Variants in CASK observed in about 807,000 individuals in gnomAD.
CASK encodes peripheral plasma membrane protein CASK.
Under a neutral mutation model 82.9 loss-of-function variants are expected in CASK, and 4 were observed. That is an observed-to-expected ratio of 0.05 (90% CI 0.02 to 0.11). CASK has a LOEUF of 0.11. Ranked by LOEUF, CASK falls within the 10% of genes least tolerant of loss-of-function variation. CASK has a pLI of 1.00. For synonymous variants in CASK, 259 were observed against 253.5 expected (o/e 1.02, Z -0.20); for missense variants, 358 against 720.9 (o/e 0.50, Z 5.76).
At chrX:41,903,965 C>T (rs2072427227) in intron 1 of CASK, among the ~76,000 whole-genome samples, 4 of 111,835 alleles carry the variant, frequency 3.6e-5, no homozygotes, top group Admixed American at 1.9e-4. Flanking sequence ...GTGCCTTGAT[C>T]ACTAAGAACT....
rs201990512 is a variant in CASK at position 41,611,829 on chromosome X, C to T, written c.1034-1804G>A. Among the ~76,000 whole-genome samples the T allele has an allele frequency of 5.4e-5, 6 of 110,670 alleles. No homozygotes were observed. The East Asian group carries it at 1.7e-3, about 32-fold the overall frequency. ...TTCTCCTGCCTTAGCCTGCCGAGTG[C>T]CTGCGATTGCAGGCGCGCGCCGCCA... On this transcript the variant is annotated intron_variant, in intron 11 of 26. Transcript: ENST00000378163.
chrX:41,805,145 A>C (rs913947241), intron 2 of CASK, among the ~76,000 whole-genome samples: 1 of 112,094 alleles, frequency 8.9e-6, no homozygotes, highest in African/African-American at 3.2e-5. Flanking sequence ...TCCCTTTTAA[A>C]ATTCTCAGTT....
chrX:41,643,073 T>C (rs1433793530), intron 8 of CASK, among the ~76,000 whole-genome samples: 1 of 111,883 alleles, frequency 8.9e-6, no homozygotes, highest in Non-Finnish European at 1.9e-5. Context: ...TGTGGTATTA[T>C]TTCTGAGGGC....
At chrX:41,703,705 C>T (rs1288282234) in intron 5 of CASK, among the ~76,000 whole-genome samples, 2 of 112,383 alleles carry the variant, frequency 1.8e-5, no homozygotes, top group East Asian at 5.6e-4. Flanking sequence ...ATGGCTAACA[C>T]CTAAAAGCAG....
chrX:41,573,367 A>G (rs2065442492), intron 15 of CASK, among the ~76,000 whole-genome samples: 1 of 109,644 alleles, frequency 9.1e-6, no homozygotes, highest in Non-Finnish European at 1.9e-5. Context: ...TATAGTTTTC[A>G]TCAAGTTTGG....
chrX:41,668,314 G>C (rs1461776727), intron 6 of CASK, among the ~76,000 whole-genome samples: 1 of 111,733 alleles, frequency 8.9e-6, no homozygotes, highest in Non-Finnish European at 1.9e-5. Flanking sequence ...CAGCCTTCCA[G>C]AACAGTAGGA....
At chrX:41,842,429 C>T (rs898803535) in intron 2 of CASK, among the ~76,000 whole-genome samples, 1 of 109,572 alleles carries the variant, frequency 9.1e-6, no homozygotes, top group African/African-American at 3.3e-5. Context: ...AAAAAATAGC[C>T]AGGTGTGGTG....
At chrX:41,649,381 T>C (rs2066823112) in intron 8 of CASK, among the ~76,000 whole-genome samples, 2 of 112,159 alleles carry the variant, frequency 1.8e-5, no homozygotes. Flanking sequence ...TGCTTTCTCT[T>C]GTGGGCATTT....
chrX:41,896,623 A>G (rs945602099), intron 1 of CASK, among the ~76,000 whole-genome samples: 5 of 111,863 alleles, frequency 4.5e-5, no homozygotes, highest in African/African-American at 1.6e-4. Context: ...TTCTCAGTTC[A>G]TTGCTAGTGC....
intron 3 of CASK, among the ~76,000 whole-genome samples, chrX:41,775,064 C>G: frequency 9.2e-6 from 1 of 108,714 alleles, no homozygotes; most frequent in Non-Finnish European, 1.9e-5. Context: ...AGCTTCTGCA[C>G]AGCAAAAGAA....
chrX:41,718,719 C>T (rs1219694632), intron 5 of CASK, among the ~76,000 whole-genome samples: 1 of 111,806 alleles, frequency 8.9e-6, no homozygotes, highest in Non-Finnish European at 1.9e-5. Context: ...CTTGGACTCT[C>T]AATGCAATAG....
chrX:41,796,400 A>AT (rs2069854268), intron 2 of CASK, among the ~76,000 whole-genome samples: 1 of 112,492 alleles, frequency 8.9e-6, no homozygotes, highest in Non-Finnish European at 1.9e-5. Context: ...TGTTTAACAA[A>AT]TGTCAATCAA....
chrX:41,610,624 T>C (rs1267128873), intron 11 of CASK, among the ~76,000 whole-genome samples: 1 of 111,907 alleles, frequency 8.9e-6, no homozygotes, highest in African/African-American at 3.2e-5. Flanking sequence ...ACTCTTACCC[T>C]TCTTACTCAG....
intron 5 of CASK, among the ~76,000 whole-genome samples, chrX:41,700,198 A>G (rs2067766046): frequency 8.9e-6 from 1 of 112,019 alleles, no homozygotes; most frequent in South Asian, 3.7e-4. Context: ...AGATTAGGTC[A>G]GTAGAAAAAG....
At chrX:41,772,809 G>A (rs2069270869) in intron 3 of CASK, among the ~76,000 whole-genome samples, 1 of 110,908 alleles carries the variant, frequency 9.0e-6, no homozygotes, top group African/African-American at 3.3e-5. Flanking sequence ...AGACCAGCCT[G>A]GTTAACATGG....
chrX:41,763,916 T>C (rs2069056768), intron 3 of CASK, among the ~76,000 whole-genome samples: 1 of 112,102 alleles, frequency 8.9e-6, no homozygotes, highest in Non-Finnish European at 1.9e-5. Context: ...AATTACTAAA[T>C]AAAGTTGGTG....
At chrX:41,674,387 G>T in intron 5 of CASK, among the ~76,000 whole-genome samples, 1 of 111,454 alleles carries the variant, frequency 9.0e-6, no homozygotes. Context: ...GATCAAAATT[G>T]AAGGCAGACT....
intron 10 of CASK, among the ~76,000 whole-genome samples, chrX:41,626,052 C>T (rs764646029): frequency 2.8e-5 from 3 of 105,587 alleles, no homozygotes; most frequent in Admixed American, 1.0e-4. Context: ...GATCTGCCTG[C>T]CTTGGCCTCC....
intron 3 of CASK, among the ~76,000 whole-genome samples, chrX:41,770,118 A>T (rs2069195733): frequency 9.0e-6 from 1 of 111,219 alleles, no homozygotes; most frequent in Non-Finnish European, 1.9e-5. Flanking sequence ...GCAAACCCAC[A>T]GGGACTTCAT....
Sources: gnomAD v4.1 joint callset for allele counts (sites outside exome capture counted in the v4.1 genomes callset) on GRCh38, gnomAD v4.1.1 for gene constraint, MANE v1.5 for transcripts, NCBI Gene and HGNC (gene_info 2026-07-23, HGNC 2026-07-21) for gene names.